The following MOB4 variants were observed in gnomAD, a reference collection of about 807,000 sequenced individuals.
MOB4 encodes MOB-like protein phocein.
MOB4 carries 4 observed loss-of-function variants against 32.2 expected under a neutral mutation model. The ratio of observed to expected loss-of-function variants is 0.12; its 90% confidence interval spans 0.06 to 0.28. MOB4 has a LOEUF of 0.28. MOB4 is among the 10% of genes least tolerant of loss of function. The pLI, the probability that MOB4 is intolerant of heterozygous loss-of-function variation, is 1.00. For missense variants in MOB4, 158 were observed against 271.2 expected (o/e 0.58, Z 2.93); for synonymous variants, 88 against 88.1 (o/e 1.00, Z 0.01).
At chr2:197,531,415 G>A (rs960780026) in intron 2 of MOB4, among the ~76,000 whole-genome samples, 74 of 152,024 alleles carry the variant, frequency 4.9e-4, no homozygotes, top group African/African-American at 1.7e-3. Context: ...CATCACCACC[G>A]TGTCCAGAAC....
chr2:197,530,072 C>T (rs1041082030), intron 2 of MOB4, among the ~76,000 whole-genome samples: 2 of 150,936 alleles, frequency 1.3e-5, no homozygotes, highest in African/African-American at 4.9e-5. Flanking sequence ...TGGGTTCAAG[C>T]GATTCTCCTC....
intron 2 of MOB4, chr2:197,533,804 T>C (rs2086750162): frequency 3.4e-6 from 2 of 584,326 alleles, no homozygotes; most frequent in Admixed American, 3.7e-5. Context: ...TTCTTTGCCA[T>C]GCCTTCCCAC....
At chr2:197,549,547 TTC>T (rs532602613) in intron 6 of MOB4, among the ~76,000 whole-genome samples, 26 of 152,124 alleles carry the variant, frequency 1.7e-4, no homozygotes, top group Non-Finnish European at 2.8e-4. Context: ...CAATTTTAAT[TTC>T]TCTCTCTCTG....
chr2:197,519,338 A>G lies in MOB4; in HGVS notation c.60+3192A>G, dbSNP rs547353273. Among the ~76,000 whole-genome samples the G allele has an allele frequency of 7.2e-5, 11 of 152,314 alleles. No individual in the cohort carries two copies. In the South Asian group the frequency reaches 2.1e-3, roughly 29 times the overall value. On this transcript the variant is annotated intron_variant, in intron 1 of 7. Transcript: ENST00000323303. ...ACATTTCATTCTCAACATCTTTTCT[A>G]TATATAGTCATCATTGGTGTCCTCT...
chr2:197,546,851 C>CT (rs2087003222), intron 5 of MOB4, among the ~76,000 whole-genome samples: 1 of 152,202 alleles, frequency 6.6e-6, no homozygotes, highest in Non-Finnish European at 1.5e-5. Flanking sequence ...CTACTGTTGA[C>CT]TGGAAGCCTT....
chr2:197,523,834 T>C, intron 2 of MOB4, 148 bp downstream of exon 2: 11 of 647,236 alleles, frequency 1.7e-5, no homozygotes, highest in South Asian at 1.5e-4. Context: ...AATAGTTCCT[T>C]TTACAACTCC....
intron 1 of MOB4, among the ~76,000 whole-genome samples, chr2:197,521,339 T>C (rs1161315715): frequency 6.6e-6 from 1 of 152,072 alleles, no homozygotes; most frequent in African/African-American, 2.4e-5. Context: ...AGGGTGTGGG[T>C]CACAAAGATC....
intron 1 of MOB4, among the ~76,000 whole-genome samples, chr2:197,518,822 C>G (rs1402147352): frequency 6.6e-6 from 1 of 152,110 alleles, no homozygotes; most frequent in African/African-American, 2.4e-5. Flanking sequence ...GTGGCACGAT[C>G]TTGGCTCACT....
At chr2:197,536,540 C>T (rs1253735168) in intron 3 of MOB4, among the ~76,000 whole-genome samples, 1 of 150,532 alleles carries the variant, frequency 6.6e-6, no homozygotes, top group African/African-American at 2.4e-5. Context: ...TATCTCTTAA[C>T]CGCTAATATA....
At chr2:197,516,717 G>C (rs980232192) in intron 1 of MOB4, 3 of 471,550 alleles carry the variant, frequency 6.4e-6, no homozygotes, top group Non-Finnish European at 1.3e-5. Context: ...CTGTTCTCTG[G>C]TCCAGCAAGT....
intron 1 of MOB4, 137 bp from the exon 2 acceptor site, chr2:197,523,487 A>G: frequency 1.2e-6 from 1 of 828,580 alleles, no homozygotes; most frequent in South Asian, 1.8e-5. Context: ...AATAAAATTT[A>G]TTTCCTTATT....
intron 5 of MOB4, among the ~76,000 whole-genome samples, chr2:197,540,876 A>T (rs1405663022): frequency 6.6e-6 from 1 of 151,200 alleles, no homozygotes; most frequent in Non-Finnish European, 1.5e-5. Context: ...TCAAGGTAAG[A>T]CTATAGGCAG....
At position 197,516,160 on chromosome 2, in the gene MOB4, A is replaced by C. The variant is rs965918838; in HGVS notation, c.60+14A>C. 6.9e-6 allele frequency: 11 copies of C among 1,595,134 alleles called. No homozygotes were observed. Among genetic ancestry groups the C allele is most frequent in the Non-Finnish European group, 9.4e-6 (11 of 1,172,536 alleles). On this transcript the variant is annotated intron_variant, in intron 1 of 7. Coordinates refer to ENST00000323303, the MANE Select transcript of MOB4 (RefSeq NM_015387.5). ...ACCAAGGCGCAGGTACCATGTCTGC[A>C]CTTTTCTTGTCGGGCAACTAGGTGC... is the stretch of plus-strand genomic sequence containing the variant.
chr2:197,540,839 G>A (rs142358762), intron 5 of MOB4, among the ~76,000 whole-genome samples: 1 of 151,820 alleles, frequency 6.6e-6, no homozygotes, highest in Non-Finnish European at 1.5e-5. Flanking sequence ...AAATATTCAT[G>A]TTGTTTTTCT....
At chr2:197,548,830 C>T (rs1369161373) in intron 6 of MOB4, among the ~76,000 whole-genome samples, 2 of 152,038 alleles carry the variant, frequency 1.3e-5, no homozygotes, top group East Asian at 1.9e-4. Context: ...TGTCATTCTG[C>T]AGAGCTCTCC....
At chr2:197,538,077 C>T (rs1015740039) in intron 3 of MOB4, among the ~76,000 whole-genome samples, 1 of 151,784 alleles carries the variant, frequency 6.6e-6, no homozygotes, top group Admixed American at 6.6e-5. Flanking sequence ...CACACTTGGC[C>T]GTTTTTTCCA....
intron 5 of MOB4, 54 bp from the exon 6 acceptor site, chr2:197,548,282 C>G: frequency 6.7e-7 from 1 of 1,493,768 alleles, no homozygotes; most frequent in Non-Finnish European, 9.1e-7. Context: ...ATGAATATAT[C>G]TAACTTAAGA....
chr2:197,533,496 G>A, intron 2 of MOB4, among the ~76,000 whole-genome samples: 1 of 152,006 alleles, frequency 6.6e-6, no homozygotes, highest in East Asian at 1.9e-4. Flanking sequence ...AGGCCGAGGC[G>A]GGTGGATCAG....
intron 2 of MOB4, among the ~76,000 whole-genome samples, chr2:197,531,058 T>C (rs1334338085): frequency 6.6e-6 from 1 of 151,076 alleles, no homozygotes; most frequent in African/African-American, 2.4e-5. Flanking sequence ...TTTTTATTTT[T>C]TTTTTTTGAG....
Sources: gnomAD v4.1 joint callset for allele counts (sites outside exome capture counted in the v4.1 genomes callset) on GRCh38, gnomAD v4.1.1 for gene constraint, MANE v1.5 for transcripts, NCBI Gene and HGNC (gene_info 2026-07-23, HGNC 2026-07-21) for gene names.